Variants in ZNF410 observed in about 807,000 individuals in gnomAD.
ZNF410 encodes zinc finger protein 410.
In ZNF410, 18 loss-of-function variants were observed where a neutral mutation model predicts 54.8. The ratio of observed to expected loss-of-function variants is 0.33; its 90% CI spans 0.23 to 0.49. The LOEUF (loss-of-function observed/expected upper bound fraction) is 0.49. Ranked by LOEUF, ZNF410 falls within the 20% of genes least tolerant of loss-of-function variation. The probability of loss-of-function intolerance (pLI) is 0.99; values close to 1 mark genes in which losing one functional copy is unlikely to be tolerated. For missense variants in ZNF410, 405 were observed against 569.6 expected (o/e 0.71, Z 2.94); for synonymous variants, 191 against 207.3 (o/e 0.92, Z 0.68).
intron 1 of ZNF410, among the ~76,000 whole-genome samples, chr14:73,888,727 C>T (rs2055180176): frequency 6.6e-6 from 1 of 152,124 alleles, no homozygotes; most frequent in Admixed American, 6.5e-5. Flanking sequence ...TGTGTATTTG[C>T]CGTTACACCT....
At chr14:73,891,998 C>G (rs1180337679) in intron 1 of ZNF410, 29 bp from the exon 2 acceptor site, 13 of 695,646 alleles carry the variant, frequency 1.9e-5, no homozygotes, top group Non-Finnish European at 2.9e-5. Context: ...CTCTTAATGC[C>G]CCCTCTCTCT....
At chr14:73,908,092 A>T (rs2055519745) in intron 7 of ZNF410, among the ~76,000 whole-genome samples, 1 of 152,184 alleles carries the variant, frequency 6.6e-6, no homozygotes, top group Admixed American at 6.5e-5. Context: ...AATAAGTGGT[A>T]GTGCCAGGAT....
At chr14:73,919,929 C>A (rs1201884971) in intron 8 of ZNF410, among the ~76,000 whole-genome samples, 3 of 111,046 alleles carry the variant, frequency 2.7e-5, no homozygotes, top group South Asian at 3.0e-4. Flanking sequence ...AGGACTACTG[C>A]AGTATCTATA....
intron 9 of ZNF410, 45 bp from the exon 10 acceptor site, chr14:73,922,021 C>A: frequency 6.2e-7 from 1 of 1,603,586 alleles, no homozygotes; most frequent in Non-Finnish European, 8.5e-7. Flanking sequence ...GGACCAGGCA[C>A]AGCCTTGATT....
At chr14:73,918,069 A>G (rs182542350) in intron 8 of ZNF410, among the ~76,000 whole-genome samples, 11 of 152,160 alleles carry the variant, frequency 7.2e-5, no homozygotes, top group African/African-American at 9.6e-5. Context: ...TAGTTATGCT[A>G]TATTGGTTAT....
intron 11 of ZNF410, among the ~76,000 whole-genome samples, chr14:73,929,492 AATAT>A (rs2055880065): frequency 6.6e-6 from 1 of 152,162 alleles, no homozygotes. Flanking sequence ...ACTTCCTGTA[AATAT>A]GCTCTAAAAA....
In ZNF410 at chr14:73,932,040, C is replaced by A; in HGVS notation, c.*499C>A. The A allele has an allele frequency of 4.4e-6, 2 of 456,366 alleles. No individual in the cohort carries two copies. The highest frequency in any genetic ancestry group is 6.5e-4 in the Middle Eastern group (2 of 3,068). 28.3% of individuals were successfully genotyped at this position (456,366 alleles called of 1,614,324 possible). A position where few individuals can be genotyped will look rare whatever the true frequency, so the allele number is the denominator to read the frequency against. On this transcript the variant is annotated 3_prime_UTR_variant, in exon 12 of 12. Transcript: ENST00000555044. Reference sequence around the variant, plus strand: ...CTTGTTACATTCTCCCTTTAGCAACCTGAGTAAGAGACTCTCTGCCACTGG... The same window carrying A: ...CTTGTTACATTCTCCCTTTAGCAACATGAGTAAGAGACTCTCTGCCACTGG...
chr14:73,893,800 C>A lies in ZNF410; in HGVS notation c.37C>A (p.Leu13Met). The A allele has an allele frequency of 1.2e-6, 2 of 1,602,866 alleles. No individual in the cohort carries two copies. Among genetic ancestry groups the A allele is most frequent in the Non-Finnish European group, 1.7e-6 (2 of 1,177,100 alleles). ...SDELESKPELLVQFVQNTSIP... is the reference protein window; with the variant it reads ...SDELESKPELMVQFVQNTSIP... The stretch of plus-strand genomic sequence containing the variant: ...GTGTTGTCTTTTCTCCCCCCAGCTC[C>A]TGGTACAGTTTGTTCAGAATACGTC... Residue 13 changes from leucine to methionine, a missense_variant, in exon 3 of 12, where the codon CTG (leucine) becomes ATG (methionine). This residue lies in a region of ZNF410 where 247 missense variants were observed against 342.8 expected (regional missense o/e 0.72). Coordinates refer to ENST00000555044, the MANE Select transcript of ZNF410 (RefSeq NM_021188.3).
Position 73,923,424 on chromosome 14 carries a change from C to G in ZNF410, c.1300C>G (p.Leu434Val). The change falls in exon 11 of 12, where the codon CTG becomes GTG. Residue 434 changes from leucine (L) to valine (V), a missense_variant. Around this residue, in one of 3 missense-constraint regions of ZNF410, gnomAD observed 127 missense variants for 141.3 expected, o/e 0.90. Coordinates refer to ENST00000555044, the MANE Select transcript of ZNF410 (RefSeq NM_021188.3). ...GCTTGCTGAAGGATCCCCACGTTCC[C>G]TGTCTTCAGTGCCTGATGTGACACA... ...EVLAEGSPRSLSSVPDVTHHL... is the reference protein window; with the variant it reads ...EVLAEGSPRSVSSVPDVTHHL... The G allele has an allele frequency of 1.9e-6, 3 of 1,613,814 alleles. No homozygotes were observed. Among genetic ancestry groups the G allele is most frequent in the Non-Finnish European group, 2.5e-6 (3 of 1,179,900 alleles).
chr14:73,898,301 CAA>C (rs770432711), intron 5 of ZNF410, 39 bp downstream of exon 5: 1 of 1,608,478 alleles, frequency 6.2e-7, no homozygotes, highest in Non-Finnish European at 8.5e-7. Context: ...CTATTCTGTG[CAA>C]AGAGATTTTG....
intron 8 of ZNF410, among the ~76,000 whole-genome samples, chr14:73,911,785 A>G (rs1281841593): frequency 1.3e-5 from 2 of 152,186 alleles, no homozygotes; most frequent in African/African-American, 4.8e-5. Context: ...AACAAGATCC[A>G]ATATTATATT....
At chr14:73,891,004 A>G (rs1396354665) in intron 1 of ZNF410, among the ~76,000 whole-genome samples, 1 of 152,108 alleles carries the variant, frequency 6.6e-6, no homozygotes, top group Non-Finnish European at 1.5e-5. Flanking sequence ...GCAAAACTCC[A>G]TCTCTAAATA....
chr14:73,924,143 GGTCT>G (rs2055794628), intron 11 of ZNF410, among the ~76,000 whole-genome samples: 1 of 152,102 alleles, frequency 6.6e-6, no homozygotes, highest in Admixed American at 6.5e-5. Flanking sequence ...CTAAATCAAT[GGTCT>G]CCAGCCTTTT....
intron 11 of ZNF410, among the ~76,000 whole-genome samples, chr14:73,926,653 C>G (rs2055837992): frequency 6.6e-6 from 1 of 151,846 alleles, no homozygotes; most frequent in Non-Finnish European, 1.5e-5. Context: ...CAGGCTGGTC[C>G]CAAACTCCTG....
At chr14:73,905,755 A>T (rs2055471182) in intron 7 of ZNF410, 1 of 128,344 alleles carries the variant, frequency 7.8e-6, no homozygotes. Flanking sequence ...TTCCCCACTT[A>T]CTTGCCACTT....
chr14:73,905,086 G>T lies in ZNF410; in HGVS notation c.913+3G>T. The T allele has an allele frequency of 6.2e-7, 1 of 1,612,528 alleles. No individual in the cohort carries two copies. Among genetic ancestry groups the T allele is most frequent in the Non-Finnish European group, 8.5e-7 (1 of 1,179,860 alleles). On this transcript the variant is annotated splice_donor_region_variant and intron_variant, in intron 7 of 11. Transcript: ENST00000555044. Reference sequence around the variant, plus strand: ...GAACCACCGGCGCATCCACACAGGTGTGTGCAGCACCAACATTCCTTTGGG... The same window carrying T: ...GAACCACCGGCGCATCCACACAGGTTTGTGCAGCACCAACATTCCTTTGGG...
chr14:73,925,028 A>T (rs936695672), intron 11 of ZNF410, among the ~76,000 whole-genome samples: 1 of 152,156 alleles, frequency 6.6e-6, no homozygotes, highest in African/African-American at 2.4e-5. Context: ...GCATCATTCA[A>T]ATGACTCTGC....
intron 7 of ZNF410, among the ~76,000 whole-genome samples, chr14:73,908,921 A>G (rs2055534022): frequency 6.6e-6 from 1 of 152,242 alleles, no homozygotes; most frequent in Non-Finnish European, 1.5e-5. Flanking sequence ...CCTGGGAAAC[A>G]TAGTGAGACT....
At chr14:73,895,201 A>C (rs879353199) in intron 3 of ZNF410, 65 of 152,296 alleles carry the variant, frequency 4.3e-4, no homozygotes, top group Admixed American at 3.7e-3. Flanking sequence ...AACAATAATT[A>C]AGGAAATGAA....
Sources: allele counts gnomAD v4.1 joint callset (sites outside exome capture counted in the v4.1 genomes callset), GRCh38; gene constraint gnomAD v4.1.1; regional missense constraint gnomAD v4.1.1; transcripts MANE v1.5; gene names NCBI Gene and HGNC (gene_info 2026-07-23, HGNC 2026-07-21).